The following NSMCE2 variants were observed in gnomAD, a reference collection of about 807,000 sequenced individuals.
NSMCE2 encodes NSE2 SUMO ligase component of SMC5/6 complex.
In NSMCE2, 24 loss-of-function variants were observed where a neutral mutation model predicts 23.8. The observed-to-expected ratio is 1.01, with a 90% CI of 0.73 to 1.42. NSMCE2 has a LOEUF of 1.42. NSMCE2 is among the 40% of genes most tolerant of loss of function. The pLI, the probability that NSMCE2 is intolerant of heterozygous loss-of-function variation, is 0.00. For missense variants in NSMCE2, 284 were observed against 296.5 expected, an observed-to-expected ratio of 0.96 and a Z score of 0.31; for synonymous variants, 92 against 94.1, an observed-to-expected ratio of 0.98 and a Z score of 0.13.
intron 4 of NSMCE2, among the ~76,000 whole-genome samples, chr8:125,166,705 G>C (rs1821895865): frequency 6.6e-6 from 1 of 152,186 alleles, no homozygotes; most frequent in Non-Finnish European, 1.5e-5. Flanking sequence ...AGGACCCAGG[G>C]AAGACACTTC....
At chr8:125,212,925 G>A (rs1824407072) in intron 5 of NSMCE2, among the ~76,000 whole-genome samples, 1 of 152,096 alleles carries the variant, frequency 6.6e-6, no homozygotes, top group African/African-American at 2.4e-5. Context: ...GCAAGTAGAG[G>A]CCTTGTTCTC....
intron 5 of NSMCE2, among the ~76,000 whole-genome samples, chr8:125,325,580 C>T (rs1435651832): frequency 6.6e-6 from 1 of 152,154 alleles, no homozygotes; most frequent in African/African-American, 2.4e-5. Context: ...CTCCTGAGCT[C>T]AAGCAATCTG....
intron 5 of NSMCE2, among the ~76,000 whole-genome samples, chr8:125,344,514 T>G (rs986794276): frequency 6.6e-6 from 1 of 152,008 alleles, no homozygotes; most frequent in African/African-American, 2.4e-5. Flanking sequence ...GAGGCCGAGG[T>G]GGGCAATCAC....
chr8:125,198,710 G>A (rs1162067959), intron 5 of NSMCE2, among the ~76,000 whole-genome samples: 1 of 152,206 alleles, frequency 6.6e-6, no homozygotes, highest in East Asian at 1.9e-4. Context: ...CATAAAAGGA[G>A]TTAGGGAGGT....
At chr8:125,203,655 A>G (rs951151725) in intron 5 of NSMCE2, among the ~76,000 whole-genome samples, 2 of 152,204 alleles carry the variant, frequency 1.3e-5, no homozygotes, top group African/African-American at 2.4e-5. Context: ...GGCCCCTACT[A>G]TATTCAGAGC....
intron 5 of NSMCE2, among the ~76,000 whole-genome samples, chr8:125,235,490 A>C (rs563712099): frequency 6.6e-6 from 1 of 152,224 alleles, no homozygotes; most frequent in East Asian, 1.9e-4. Context: ...TTTTCTGTGC[A>C]TAAGCAAGAA....
At chr8:125,258,607 G>GT (rs1428546184) in intron 5 of NSMCE2, among the ~76,000 whole-genome samples, 4 of 152,280 alleles carry the variant, frequency 2.6e-5, no homozygotes, top group Middle Eastern at 3.4e-3. Context: ...GGCTTGTTTT[G>GT]TTTTTTATAA....
At chr8:125,227,746 G>A (rs890506947) in intron 5 of NSMCE2, among the ~76,000 whole-genome samples, 10 of 151,940 alleles carry the variant, frequency 6.6e-5, no homozygotes, top group Non-Finnish European at 1.3e-4. Context: ...TAATATAGAG[G>A]GCAAAATAAA....
At chr8:125,347,330 C>CT (rs1330237567) in intron 5 of NSMCE2, among the ~76,000 whole-genome samples, 1 of 152,222 alleles carries the variant, frequency 6.6e-6, no homozygotes, top group African/African-American at 2.4e-5. Flanking sequence ...CTTCCCTCTT[C>CT]TTATCACACC....
At chr8:125,300,988 G>A (rs1264492537) in intron 5 of NSMCE2, among the ~76,000 whole-genome samples, 13 of 152,120 alleles carry the variant, frequency 8.5e-5, no homozygotes. Context: ...ACTCACTGAC[G>A]TTCCATCCTA....
At chr8:125,227,750 A>G (rs1376966006) in intron 5 of NSMCE2, among the ~76,000 whole-genome samples, 2 of 152,230 alleles carry the variant, frequency 1.3e-5, no homozygotes, top group Non-Finnish European at 2.9e-5. Context: ...ATAGAGGGCA[A>G]AATAAAAATC....
chr8:125,299,669 C>A (rs1204143231), intron 5 of NSMCE2, among the ~76,000 whole-genome samples: 4 of 152,010 alleles, frequency 2.6e-5, no homozygotes, highest in Admixed American at 2.6e-4. Context: ...ATGTAACAAC[C>A]CCTTTAATGC....
intron 5 of NSMCE2, among the ~76,000 whole-genome samples, chr8:125,287,197 T>C (rs977105652): frequency 6.6e-6 from 1 of 152,086 alleles, no homozygotes; most frequent in Non-Finnish European, 1.5e-5. Flanking sequence ...CCGGGTGTGG[T>C]GGCGGGCACC....
intron 3 of NSMCE2, among the ~76,000 whole-genome samples, chr8:125,138,037 AT>A (rs1278230985): frequency 6.6e-6 from 1 of 152,214 alleles, no homozygotes; most frequent in African/African-American, 2.4e-5. Flanking sequence ...TAGCTGATGA[AT>A]TAGATAAGAT....
chr8:125,359,334 T>C (rs181381859), intron 7 of NSMCE2, among the ~76,000 whole-genome samples: 1,759 of 147,208 alleles, frequency 0.012, 17 homozygotes, highest in Middle Eastern at 0.017. Flanking sequence ...CTTTCTCTTT[T>C]TTTTTTTTTT....
At position 125,213,547 on chromosome 8, in the gene NSMCE2, CTCCCCTCCCCCTT is replaced by C. The variant is rs1461964227; in HGVS notation, c.418+31304_418+31316del. On this transcript the variant is annotated intron_variant, in intron 5 of 7. Transcript: ENST00000287437. ...CTCCTCTCCTCTCCTCTCCCCTCCA[CTCCCCTCCCCCTT>C]TCCCCTCCCCCTCCCCTCTTTCCTT... is the stretch of plus-strand genomic sequence containing the variant. 3.7e-4 allele frequency among the ~76,000 whole-genome samples: 49 copies of C among 132,790 alleles called. 1 individual carries two copies. The highest frequency in any genetic ancestry group is 1.3e-3 in the African/African-American group (46 of 36,254). The allele number at this position is 132,790 out of a possible 152,430, so 87.1% of individuals were successfully genotyped here.
intron 5 of NSMCE2, among the ~76,000 whole-genome samples, chr8:125,347,612 G>A (rs1812833370): frequency 6.6e-6 from 1 of 152,182 alleles, no homozygotes; most frequent in South Asian, 2.1e-4. Flanking sequence ...CACAGTGCTT[G>A]TCCTCAAAGA....
At chr8:125,201,051 TTC>T (rs1823848861) in intron 5 of NSMCE2, among the ~76,000 whole-genome samples, 1 of 152,108 alleles carries the variant, frequency 6.6e-6, no homozygotes, top group African/African-American at 2.4e-5. Context: ...ATACTGTTTA[TTC>T]TAGTTAGTCA....
chr8:125,273,537 G>A (rs148332962), intron 5 of NSMCE2, among the ~76,000 whole-genome samples: 11 of 152,226 alleles, frequency 7.2e-5, no homozygotes, highest in Non-Finnish European at 1.2e-4. Flanking sequence ...TTCCTACAGC[G>A]TCCTAAATTT....
Sources: gnomAD v4.1 joint callset for allele counts (sites outside exome capture counted in the v4.1 genomes callset) on GRCh38, gnomAD v4.1.1 for gene constraint, MANE v1.5 for transcripts, NCBI Gene and HGNC (gene_info 2026-07-23, HGNC 2026-07-21) for gene names.